The following CAMTA1 variants were observed in gnomAD, a reference collection of about 807,000 sequenced individuals.
CAMTA1 encodes the protein calmodulin-binding transcription activator 1.
In CAMTA1, 27 loss-of-function variants were observed where a neutral mutation model predicts 170.9. That is an observed-to-expected ratio of 0.16 (90% CI 0.12 to 0.22). The LOEUF (loss-of-function observed/expected upper bound fraction) is 0.22, where lower values mean the gene tolerates loss of function less well. CAMTA1 is among the 10% of genes least tolerant of loss of function. CAMTA1 has a pLI of 1.00. For synonymous variants in CAMTA1, 833 were observed against 891.5 expected (o/e 0.93, Z 1.17); for missense variants, 1,619 against 2,217.2 (o/e 0.73, Z 5.42).
intron 5 of CAMTA1, among the ~76,000 whole-genome samples, chr1:7,356,347 T>TG (rs529628039): frequency 1.4e-4 from 21 of 152,362 alleles, no homozygotes; most frequent in Middle Eastern, 3.4e-3. Context: ...GCACCACACC[T>TG]GTCACACGCT....
At chr1:6,902,042 C>CACAT (rs1194582053) in intron 3 of CAMTA1, among the ~76,000 whole-genome samples, 2 of 94,666 alleles carry the variant, frequency 2.1e-5, no homozygotes, top group Admixed American at 1.1e-4. Context: ...GAGACTGTCA[C>CACAT]ACACACACAC....
At chr1:7,171,929 G>A (rs911096358) in intron 4 of CAMTA1, among the ~76,000 whole-genome samples, 1 of 152,174 alleles carries the variant, frequency 6.6e-6, no homozygotes, top group Non-Finnish European at 1.5e-5. Context: ...CTGTGTTGTC[G>A]CACATGTCAG....
At chr1:7,552,878 G>C (rs145895877) in intron 6 of CAMTA1, among the ~76,000 whole-genome samples, 1 of 152,216 alleles carries the variant, frequency 6.6e-6, no homozygotes, top group African/African-American at 2.4e-5. Flanking sequence ...GCACGGAGCC[G>C]CACGGAGAGC....
intron 5 of CAMTA1, among the ~76,000 whole-genome samples, chr1:7,335,911 A>G (rs1166441654): frequency 3.3e-5 from 5 of 152,248 alleles, no homozygotes; most frequent in Non-Finnish European, 7.3e-5. Flanking sequence ...TGTAAGGCAG[A>G]TTGGGTGTCT....
chr1:7,147,229 G>C (rs532708147), intron 4 of CAMTA1, among the ~76,000 whole-genome samples: 2 of 152,046 alleles, frequency 1.3e-5, no homozygotes, highest in Admixed American at 1.3e-4. Flanking sequence ...GACCATCCTG[G>C]CTAACATGGT....
At chr1:7,705,987 C>T (rs930236508) in intron 11 of CAMTA1, among the ~76,000 whole-genome samples, 1 of 152,110 alleles carries the variant, frequency 6.6e-6, no homozygotes, top group African/African-American at 2.4e-5. Flanking sequence ...TTAGAGGTGG[C>T]GCTGATGGCG....
At chr1:6,874,625 G>A (rs1209826636) in intron 3 of CAMTA1, among the ~76,000 whole-genome samples, 1 of 152,176 alleles carries the variant, frequency 6.6e-6, no homozygotes, top group Non-Finnish European at 1.5e-5. Flanking sequence ...ATAGTTTATG[G>A]TAATTAAGCT....
chr1:7,658,620 T>C (rs1054117210), intron 7 of CAMTA1, among the ~76,000 whole-genome samples: 6 of 152,092 alleles, frequency 3.9e-5, no homozygotes, highest in African/African-American at 1.4e-4. Flanking sequence ...ATCTGTAAAA[T>C]GAGTCTGGAA....
At chr1:6,849,429 G>T (rs1462300403) in intron 3 of CAMTA1, among the ~76,000 whole-genome samples, 1 of 151,968 alleles carries the variant, frequency 6.6e-6, no homozygotes, top group Non-Finnish European at 1.5e-5. Flanking sequence ...AAGGAGGCTG[G>T]AAAATGAGAG....
chr1:7,156,884 G>C (rs1378587197), intron 4 of CAMTA1, among the ~76,000 whole-genome samples: 1 of 152,074 alleles, frequency 6.6e-6, no homozygotes, highest in Non-Finnish European at 1.5e-5. Flanking sequence ...ACCCTGGCTT[G>C]CTCCTCTTAC....
chr1:6,936,966 C>G (rs551783522), intron 3 of CAMTA1, among the ~76,000 whole-genome samples: 1 of 151,946 alleles, frequency 6.6e-6, no homozygotes. Flanking sequence ...CCAGCCTGGG[C>G]GACAGAGTGA....
chr1:6,981,849 C>T (rs1479975377), intron 3 of CAMTA1, among the ~76,000 whole-genome samples: 1 of 152,108 alleles, frequency 6.6e-6, no homozygotes, highest in Non-Finnish European at 1.5e-5. Flanking sequence ...GTGCCTCAGC[C>T]TTCCAAGTAG....
intron 3 of CAMTA1, among the ~76,000 whole-genome samples, chr1:6,844,729 T>G (rs1657346784): frequency 6.8e-6 from 1 of 146,204 alleles, no homozygotes; most frequent in Non-Finnish European, 1.5e-5. Context: ...ACTGAAATGG[T>G]ATATGGTGTA....
intron 3 of CAMTA1, among the ~76,000 whole-genome samples, chr1:6,826,561 C>T (rs1647133863): frequency 6.6e-6 from 1 of 152,176 alleles, no homozygotes; most frequent in Non-Finnish European, 1.5e-5. Context: ...TTTAAAAACT[C>T]AGTGTATTTC....
At chr1:7,557,628 C>T (rs1303490040) in intron 6 of CAMTA1, among the ~76,000 whole-genome samples, 1 of 152,220 alleles carries the variant, frequency 6.6e-6, no homozygotes, top group Admixed American at 6.5e-5. Flanking sequence ...ACTCAGTGGG[C>T]GGATTTGGCC....
At chr1:6,810,831 G>A (rs920501615) in intron 1 of CAMTA1, among the ~76,000 whole-genome samples, 2 of 152,132 alleles carry the variant, frequency 1.3e-5, no homozygotes, top group Non-Finnish European at 2.9e-5. Flanking sequence ...ACATCAAGAG[G>A]TGGGGATCAT....
chr1:6,812,406 G>T (rs937111452), intron 1 of CAMTA1, among the ~76,000 whole-genome samples: 1 of 152,136 alleles, frequency 6.6e-6, no homozygotes, highest in African/African-American at 2.4e-5. Context: ...CTTGTTATAC[G>T]TACATAATAT....
At chr1:7,379,853 C>T (rs2087145576) in intron 5 of CAMTA1, among the ~76,000 whole-genome samples, 1 of 152,236 alleles carries the variant, frequency 6.6e-6, no homozygotes, top group South Asian at 2.1e-4. Context: ...AAACAACACA[C>T]ATCAGCGAAC....
intron 6 of CAMTA1, among the ~76,000 whole-genome samples, chr1:7,589,585 C>A (rs2095339850): frequency 6.6e-6 from 1 of 152,160 alleles, no homozygotes. Flanking sequence ...TCTCCGCTGG[C>A]TCCAGATATC....
Sources: allele counts gnomAD v4.1 joint callset (sites outside exome capture counted in the v4.1 genomes callset), GRCh38; gene constraint gnomAD v4.1.1; transcripts MANE v1.5; gene names NCBI Gene and HGNC (gene_info 2026-07-23, HGNC 2026-07-21).